SOS1: variants seen among roughly 807,000 people sequenced by gnomAD.
The protein encoded by SOS1 is SOS Ras/Rac guanine nucleotide exchange factor 1, also known as son of sevenless homolog 1.
SOS1 carries 25 observed loss-of-function variants against 157.6 expected under a neutral mutation model. That is an observed-to-expected ratio of 0.16 (90% CI 0.12 to 0.22). The LOEUF (loss-of-function observed/expected upper bound fraction) is 0.22, where lower values mean the gene tolerates loss of function less well. Ranked by LOEUF, SOS1 falls within the 10% of genes least tolerant of loss-of-function variation. The pLI is 1.00. For synonymous variants in SOS1, 528 were observed against 534.0 expected (o/e 0.99, Z 0.16); for missense variants, 1,237 against 1,599.1 (o/e 0.77, Z 3.86).
chr2:39,033,530 A>G (rs961040328), intron 8 of SOS1, among the ~76,000 whole-genome samples: 1 of 151,010 alleles, frequency 6.6e-6, no homozygotes, highest in Non-Finnish European at 1.5e-5. Context: ...TTTGGAGGGG[A>G]AGGTTGTTTT....
At chr2:39,072,901 A>T (rs1221886051) in intron 1 of SOS1, among the ~76,000 whole-genome samples, 2 of 152,194 alleles carry the variant, frequency 1.3e-5, no homozygotes. Flanking sequence ...CTCTAACTGA[A>T]AAACAAAGGC....
chr2:39,045,312 ATG>A (rs1251153260), intron 6 of SOS1, among the ~76,000 whole-genome samples: 3 of 138,400 alleles, frequency 2.2e-5, no homozygotes, highest in Non-Finnish European at 4.9e-5. Context: ...GTAAAATCAA[ATG>A]TGTTAGTCTA....
chr2:39,003,718 A>G (rs1461974197), intron 17 of SOS1, among the ~76,000 whole-genome samples: 2 of 152,238 alleles, frequency 1.3e-5, no homozygotes, highest in Admixed American at 6.5e-5. Flanking sequence ...CCCCCACTCA[A>G]ACTTATAAAG....
chr2:39,074,331 C>CA (rs1486698264), intron 1 of SOS1, among the ~76,000 whole-genome samples: 1 of 139,062 alleles, frequency 7.2e-6, no homozygotes, highest in Non-Finnish European at 1.5e-5. Flanking sequence ...GTCTGGGTGA[C>CA]AGAGTGAGAT....
At chr2:39,061,774 A>G (rs186162392) in intron 2 of SOS1, among the ~76,000 whole-genome samples, 17 of 152,300 alleles carry the variant, frequency 1.1e-4, no homozygotes, top group Admixed American at 5.9e-4. Context: ...TAATTTCAAG[A>G]TTAATAATTT....
At chr2:39,006,717 T>G (rs1669293545) in intron 16 of SOS1, among the ~76,000 whole-genome samples, 188 bp from the exon 17 acceptor site, 1 of 152,176 alleles carries the variant, frequency 6.6e-6, no homozygotes, top group African/African-American at 2.4e-5. Context: ...AGTATGTGTG[T>G]GTGTGAGAGA....
intron 2 of SOS1, among the ~76,000 whole-genome samples, chr2:39,066,072 T>C (rs1226197790): frequency 6.6e-6 from 1 of 152,210 alleles, no homozygotes; most frequent in African/African-American, 2.4e-5. Flanking sequence ...TGGATATGCC[T>C]GTCTATCAAT....
intron 17 of SOS1, among the ~76,000 whole-genome samples, chr2:39,003,200 G>C (rs1231243947): frequency 6.6e-6 from 1 of 151,826 alleles, no homozygotes; most frequent in Non-Finnish European, 1.5e-5. Context: ...GTAAATTAAA[G>C]CAAGTAAGTG....
chr2:39,095,720 T>C (rs1672746334), intron 1 of SOS1, among the ~76,000 whole-genome samples: 1 of 152,188 alleles, frequency 6.6e-6, no homozygotes, highest in Non-Finnish European at 1.5e-5. Context: ...ATTCTGAAAT[T>C]TATATAGGAT....
At chr2:39,076,512 T>C (rs1558502541) in intron 1 of SOS1, among the ~76,000 whole-genome samples, 2 of 152,050 alleles carry the variant, frequency 1.3e-5, no homozygotes, top group African/African-American at 2.4e-5. Flanking sequence ...CAAAAGTAAA[T>C]CTTTTGTGAT....
chr2:39,047,989 G>C (rs1164684063), intron 6 of SOS1, among the ~76,000 whole-genome samples: 2 of 152,212 alleles, frequency 1.3e-5, no homozygotes, highest in South Asian at 4.1e-4. Context: ...ATATACCCCA[G>C]ATATGAGTCT....
chr2:39,002,470 C>T (rs193162623), intron 17 of SOS1, among the ~76,000 whole-genome samples: 121 of 152,214 alleles, frequency 7.9e-4, no homozygotes, highest in Non-Finnish European at 1.6e-3. Context: ...TGAATGGGTC[C>T]TGAGGTTTCT....
Position 39,019,983 on chromosome 2 carries a change from T to A in SOS1, c.1858+2587A>T, listed in dbSNP as rs528542748. Among the ~76,000 whole-genome samples the A allele has an allele frequency of 9.2e-5, 14 of 151,766 alleles. No individual in the cohort carries two copies. In the South Asian group the frequency reaches 2.9e-3, roughly 31 times the overall value. On this transcript the variant is annotated intron_variant, in intron 10 of 22. Coordinates refer to ENST00000402219, the MANE Select transcript of SOS1 (RefSeq NM_005633.4). ...ATCTGTACCAGATCCTTTTACTTAATTATTAACACATATAATTAAAAAATT... is the reference window on the plus strand; with the variant it reads ...ATCTGTACCAGATCCTTTTACTTAAATATTAACACATATAATTAAAAAATT...
chr2:39,098,733 C>A (rs551976300), intron 1 of SOS1, among the ~76,000 whole-genome samples: 10 of 151,988 alleles, frequency 6.6e-5, no homozygotes, highest in Non-Finnish European at 1.5e-4. Context: ...ACTAAAAATA[C>A]AAAAAATTAC....
intron 17 of SOS1, among the ~76,000 whole-genome samples, chr2:38,999,244 G>C (rs968660583): frequency 6.6e-6 from 1 of 152,172 alleles, no homozygotes; most frequent in Non-Finnish European, 1.5e-5. Context: ...GGCATACTTA[G>C]AGATAATTTG....
At chr2:38,987,288 A>G (rs576947923) in intron 22 of SOS1, among the ~76,000 whole-genome samples, 185 bp downstream of exon 22, 1 of 152,338 alleles carries the variant, frequency 6.6e-6, no homozygotes, top group Admixed American at 6.5e-5. Flanking sequence ...ATGCATACCA[A>G]AAAACTACCT....
At chr2:39,102,571 G>A (rs1260195286) in intron 1 of SOS1, among the ~76,000 whole-genome samples, 1 of 145,906 alleles carries the variant, frequency 6.9e-6, no homozygotes, top group Non-Finnish European at 1.5e-5. Flanking sequence ...ATTCCGCTTC[G>A]TTTTAAAAGG....
intron 8 of SOS1, among the ~76,000 whole-genome samples, chr2:39,029,561 A>C (rs1488181894): frequency 6.6e-6 from 1 of 152,152 alleles, no homozygotes; most frequent in Admixed American, 6.5e-5. Flanking sequence ...GAGGTTGAGG[A>C]TGCAGTGAGC....
In SOS1 at chr2:39,007,022, G is replaced by T. The variant is rs2124503175; in HGVS notation, c.2673+9C>A. ...AAAGTTCATTTTAAAAACACATGTA[G>T]AAACCTACCTCAAATGTGTGGTCTA... On this transcript the variant is annotated intron_variant, in intron 16 of 22. Coordinates refer to ENST00000402219, the MANE Select transcript of SOS1 (RefSeq NM_005633.4). 6.3e-7 allele frequency: 1 copy of T among 1,594,318 alleles called. No homozygotes were observed.
Sources: gnomAD v4.1 joint callset for allele counts (sites outside exome capture counted in the v4.1 genomes callset) on GRCh38, gnomAD v4.1.1 for gene constraint, MANE v1.5 for transcripts, NCBI Gene and HGNC (gene_info 2026-07-23, HGNC 2026-07-21) for gene names.